The following SLC25A26 variants were observed in gnomAD, a reference collection of about 807,000 sequenced individuals.
The protein encoded by SLC25A26 is solute carrier family 25 member 26.
Under a neutral mutation model 37.8 loss-of-function variants are expected in SLC25A26, and 36 were observed. The ratio of observed to expected loss-of-function variants is 0.95; its 90% confidence interval spans 0.73 to 1.26. The LOEUF (loss-of-function observed/expected upper bound fraction) is 1.26, where lower values mean the gene tolerates loss of function less well. SLC25A26 is among the 50% of genes most tolerant of loss of function. The pLI is 0.00. For missense variants in SLC25A26, 390 were observed against 331.1 expected (o/e 1.18, Z -1.38); for synonymous variants, 129 against 122.5 (o/e 1.05, Z -0.35).
At chr3:66,255,845 A>C (rs1317664678) in intron 3 of SLC25A26, among the ~76,000 whole-genome samples, 1 of 152,200 alleles carries the variant, frequency 6.6e-6, no homozygotes, top group Non-Finnish European at 1.5e-5. Flanking sequence ...ATTACTTTGT[A>C]GCATCTCTCA....
At position 66,159,868 on chromosome 3, in the gene SLC25A26, T is replaced by C. The variant is rs147295769; in HGVS notation, c.-354+25884T>C. On this transcript the variant is annotated intron_variant, in intron 1 of 10. Transcript: ENST00000676754. ...AAAGGTAGGACTAGGCAGCTGTCTT[T>C]CATGACACCCCACTGTAACTACATG... Among the ~76,000 whole-genome samples, 731 of 152,232 alleles carry C rather than the reference T, an allele frequency of 4.8e-3. 9 individuals carry two copies. The highest frequency in any genetic ancestry group is 0.016 in the African/African-American group (684 of 41,528).
chr3:66,237,549 G>A (rs2072353770), intron 2 of SLC25A26, among the ~76,000 whole-genome samples: 2 of 152,214 alleles, frequency 1.3e-5, no homozygotes, highest in African/African-American at 2.4e-5. Flanking sequence ...TGATGCAAGT[G>A]TTTCTCACTA....
chr3:66,207,283 C>A (rs953900556), intron 1 of SLC25A26, among the ~76,000 whole-genome samples: 43 of 152,224 alleles, frequency 2.8e-4, no homozygotes, highest in African/African-American at 9.2e-4. Flanking sequence ...TTATCCCCCC[C>A]ATCCTTTAGA....
chr3:66,278,204 A>C (rs2074220756), intron 5 of SLC25A26, among the ~76,000 whole-genome samples: 1 of 152,194 alleles, frequency 6.6e-6, no homozygotes, highest in Admixed American at 6.5e-5. Context: ...TTTGTTTTTA[A>C]AAAACAAACT....
chr3:66,236,655 A>G lies in SLC25A26; in HGVS notation c.145A>G (p.Ile49Val). Residue 49 changes from isoleucine to valine, a missense_variant, in exon 2 of 10, where the codon ATA becomes GTA. By Grantham distance (29) the Ile-to-Val change is conservative. Coordinates refer to ENST00000354883, the MANE Select transcript of SLC25A26 (RefSeq NM_001379210.1). ...GFSKAGGFHGIYAGVPSAAIG... is the reference protein window; with the variant it reads ...GFSKAGGFHGVYAGVPSAAIG... ...TAGTAAGGCTGGTGGTTTTCATGGA[A>G]TATATGCTGGCGTTCCTTCTGCTGC... 6.5e-7 allele frequency: 1 copy of G among 1,529,104 alleles called. No homozygotes were observed. Among genetic ancestry groups the G allele is most frequent in the Middle Eastern group, 1.7e-4 (1 of 5,960 alleles). 94.7% of individuals were successfully genotyped at this position (1,529,104 alleles called of 1,614,324 possible).
At chr3:66,294,940 A>G (rs1167455694) in intron 5 of SLC25A26, among the ~76,000 whole-genome samples, 2 of 152,208 alleles carry the variant, frequency 1.3e-5, no homozygotes, top group Non-Finnish European at 2.9e-5. Context: ...CTCTCATTGC[A>G]ATTAAAAAAT....
In SLC25A26 at chr3:66,275,596, G is replaced by A. The variant is rs782727; in HGVS notation, c.453+12217G>A. ...CTTCTCAAAAGCAGACCAGTTTTAAGTACTTAGGTATTAAGATCTCCAGAT... is the reference window on the plus strand; with the variant it reads ...CTTCTCAAAAGCAGACCAGTTTTAAATACTTAGGTATTAAGATCTCCAGAT... On this transcript the variant is annotated intron_variant, in intron 5 of 9. Transcript: ENST00000354883. 3.0e-3 allele frequency among the ~76,000 whole-genome samples: 451 copies of A among 152,104 alleles called. 1 individual carries two copies. Among genetic ancestry groups the A allele is most frequent in the African/African-American group, 0.011 (438 of 41,514 alleles).
chr3:66,257,234 G>C (rs1305169439), intron 3 of SLC25A26, among the ~76,000 whole-genome samples: 2 of 151,650 alleles, frequency 1.3e-5, no homozygotes, highest in Non-Finnish European at 2.9e-5. Context: ...ATAGAAATAA[G>C]GACCTAAAAA....
intron 9 of SLC25A26, among the ~76,000 whole-genome samples, chr3:66,374,540 T>C (rs574901701): frequency 1.3e-5 from 2 of 152,224 alleles, no homozygotes; most frequent in African/African-American, 2.4e-5. Context: ...AATCCTCCAG[T>C]GGCCTCTAAG....
At chr3:66,367,705 CACAGAG>C (rs1297268022) in intron 7 of SLC25A26, among the ~76,000 whole-genome samples, 5,008 of 146,458 alleles carry the variant, frequency 0.034, 264 homozygotes, top group African/African-American at 0.12. Context: ...GACAGACAGA[CACAGAG>C]AGAGAGAGAG....
At chr3:66,163,905 G>C (rs2106717499) in intron 1 of SLC25A26, among the ~76,000 whole-genome samples, 1 of 152,292 alleles carries the variant, frequency 6.6e-6, no homozygotes, top group South Asian at 2.1e-4. Flanking sequence ...GAAACATTTT[G>C]TTTGTTACAT....
chr3:66,356,054 T>G (rs2076568445), intron 6 of SLC25A26: 1 of 456,276 alleles, frequency 2.2e-6, no homozygotes, highest in Non-Finnish European at 4.4e-6. Flanking sequence ...ATAACTGCTT[T>G]TGAATAGAGC....
chr3:66,275,152 C>CA (rs2074095018), intron 5 of SLC25A26, among the ~76,000 whole-genome samples: 1 of 148,242 alleles, frequency 6.7e-6, no homozygotes, highest in Non-Finnish European at 1.5e-5. Flanking sequence ...ATCGCAAGGA[C>CA]AAAAAACCAA....
At chr3:66,347,504 G>T (rs906520405) in intron 6 of SLC25A26, among the ~76,000 whole-genome samples, 2 of 152,170 alleles carry the variant, frequency 1.3e-5, no homozygotes, top group Non-Finnish European at 2.9e-5. Flanking sequence ...GGAGAAAAAG[G>T]AACGCTTTTA....
intron 1 of SLC25A26, among the ~76,000 whole-genome samples, chr3:66,207,915 A>T (rs1378961141): frequency 2.0e-5 from 3 of 152,214 alleles, no homozygotes; most frequent in Non-Finnish European, 2.9e-5. Context: ...TATCAGCAAG[A>T]TAGAGGTAGC....
chr3:66,151,421 G>A (rs1358341766), intron 1 of SLC25A26, among the ~76,000 whole-genome samples: 1 of 152,172 alleles, frequency 6.6e-6, no homozygotes. Flanking sequence ...GACGAGCTGG[G>A]CCATGCTAGC....
intron 1 of SLC25A26, among the ~76,000 whole-genome samples, chr3:66,191,104 A>C (rs897234272): frequency 2.6e-5 from 4 of 152,230 alleles, no homozygotes; most frequent in Admixed American, 2.6e-4. Context: ...ACATAAGCAC[A>C]TATGAGTATG....
intron 3 of SLC25A26, among the ~76,000 whole-genome samples, chr3:66,246,636 G>T (rs2072855390): frequency 6.6e-6 from 1 of 152,154 alleles, no homozygotes. Flanking sequence ...GTATCCATGA[G>T]ACTGGAGATA....
chr3:66,282,629 A>G (rs1239475079), intron 5 of SLC25A26, among the ~76,000 whole-genome samples: 1 of 152,222 alleles, frequency 6.6e-6, no homozygotes, highest in South Asian at 2.1e-4. Flanking sequence ...TGGGCAGAAA[A>G]AAAAATTAAA....
Sources: gnomAD v4.1 joint callset for allele counts (sites outside exome capture counted in the v4.1 genomes callset) on GRCh38, gnomAD v4.1.1 for gene constraint, MANE v1.5 for transcripts, NCBI Gene and HGNC (gene_info 2026-07-23, HGNC 2026-07-21) for gene names.